GIPC2: variants seen among roughly 807,000 people sequenced by gnomAD.
GIPC2 encodes the protein PDZ domain-containing protein GIPC2.
GIPC2 carries 30 observed loss-of-function variants against 30.6 expected under a neutral mutation model. The ratio of observed to expected loss-of-function variants is 0.98; its 90% CI spans 0.73 to 1.33. The LOEUF (loss-of-function observed/expected upper bound fraction) is 1.33. Ranked by LOEUF, GIPC2 falls within the 40% of genes most tolerant of loss-of-function variation. GIPC2 has a pLI of 0.00. For synonymous variants in GIPC2, 167 were observed against 150.0 expected, an observed-to-expected ratio of 1.11 and a Z score of -0.83; for missense variants, 414 against 390.3, an observed-to-expected ratio of 1.06 and a Z score of -0.51.
rs1286708486 is a variant in GIPC2 at position 78,046,270 on chromosome 1, G to A, written c.176G>A (p.Gly59Asp). 1 of 1,611,832 alleles carries A rather than the reference G, an allele frequency of 6.2e-7. No individual in the cohort carries two copies. The highest frequency in any genetic ancestry group is 8.5e-7 in the Non-Finnish European group (1 of 1,179,452). Residue 59 changes from glycine to aspartate, a missense_variant, in exon 1 of 6, where the codon GGC (glycine) becomes GAC (aspartate). Coordinates refer to ENST00000370759, the MANE Select transcript of GIPC2 (RefSeq NM_017655.6). ...AHGSATGRVE[G>D]FSSIQELYAQ... ...GGTAGTGCCACGGGCCGAGTGGAGGGCTTCTCCAGCATCCAGGAGCTCTAC... is the reference window on the plus strand; with the variant it reads ...GGTAGTGCCACGGGCCGAGTGGAGGACTTCTCCAGCATCCAGGAGCTCTAC...
intron 1 of GIPC2, among the ~76,000 whole-genome samples, chr1:78,068,565 C>G (rs970740767): frequency 6.6e-6 from 1 of 152,164 alleles, no homozygotes; most frequent in Non-Finnish European, 1.5e-5. Context: ...CCAGATGCTT[C>G]AGAGAGTGAA....
chr1:78,077,668 TA>T (rs1661740614), intron 1 of GIPC2, among the ~76,000 whole-genome samples: 1 of 152,224 alleles, frequency 6.6e-6, no homozygotes, highest in Non-Finnish European at 1.5e-5. Context: ...AAAAAAAAGT[TA>T]AATGCTGCCT....
intron 1 of GIPC2, among the ~76,000 whole-genome samples, chr1:78,064,467 C>G (rs921360670): frequency 1.2e-4 from 19 of 152,128 alleles, no homozygotes; most frequent in African/African-American, 2.4e-5. Flanking sequence ...TCCTTAGAGG[C>G]CAGTATTGGC....
intron 5 of GIPC2, among the ~76,000 whole-genome samples, chr1:78,127,461 C>G (rs1424623500): frequency 6.6e-6 from 1 of 152,178 alleles, no homozygotes; most frequent in Non-Finnish European, 1.5e-5. Context: ...ATCATGCCAG[C>G]TAAAACTGGC....
chr1:78,091,844 G>A, intron 2 of GIPC2: 1 of 778,430 alleles, frequency 1.3e-6, no homozygotes, highest in Non-Finnish European at 2.4e-6. Flanking sequence ...GTCTCGGAAG[G>A]AGAAAGATGT....
chr1:78,125,967 G>T lies in GIPC2; in HGVS notation c.796+5G>T, dbSNP rs1325285811. The T allele has an allele frequency of 7.3e-7, 1 of 1,363,494 alleles. No individual in the cohort carries two copies. Among genetic ancestry groups the T allele is most frequent in the Non-Finnish European group, 1.0e-6 (1 of 953,218 alleles). The allele number at this position is 1,363,494 out of a possible 1,614,324, so 84.5% of individuals were successfully genotyped here. ...GAATTCGAGATATTGATTTAGGTAAGATTATACTATTTAAAAAAGTCTTAT... is the reference window on the plus strand; with the variant it reads ...GAATTCGAGATATTGATTTAGGTAATATTATACTATTTAAAAAAGTCTTAT... On this transcript the variant is annotated splice_donor_5th_base_variant and intron_variant, in intron 5 of 5. Coordinates refer to ENST00000370759, the MANE Select transcript of GIPC2 (RefSeq NM_017655.6).
At chr1:78,132,665 A>ATGTGTGTGTG (rs61463492) in intron 5 of GIPC2, among the ~76,000 whole-genome samples, 34,892 of 142,454 alleles carry the variant, frequency 0.24, 4,966 homozygotes, top group Admixed American at 0.31. Flanking sequence ...ATAGCCAAGG[A>ATGTGTGTGTG]TGTGTGTGTG....
At chr1:78,115,775 C>T (rs935243430) in intron 3 of GIPC2, among the ~76,000 whole-genome samples, 1 of 152,112 alleles carries the variant, frequency 6.6e-6, no homozygotes, top group South Asian at 2.1e-4. Context: ...TTTGGTTAGG[C>T]GGGGCTAGTG....
intron 1 of GIPC2, among the ~76,000 whole-genome samples, chr1:78,063,571 A>G (rs1661445670): frequency 6.6e-6 from 1 of 151,368 alleles, no homozygotes. Flanking sequence ...ATACATTTGG[A>G]TTTGAAAAGA....
chr1:78,093,405 T>G (rs1032162083), intron 2 of GIPC2, among the ~76,000 whole-genome samples: 7 of 152,234 alleles, frequency 4.6e-5, no homozygotes, highest in Non-Finnish European at 8.8e-5. Context: ...CTATTTCTAA[T>G]GACAGTGAGC....
chr1:78,123,638 C>T (rs192202773), intron 4 of GIPC2, among the ~76,000 whole-genome samples: 1 of 152,180 alleles, frequency 6.6e-6, no homozygotes, highest in East Asian at 1.9e-4. Context: ...GAAACCTCTG[C>T]AAATCAGAAA....
intron 3 of GIPC2, among the ~76,000 whole-genome samples, chr1:78,118,568 A>G (rs1662616055): frequency 1.3e-5 from 2 of 152,202 alleles, no homozygotes; most frequent in Admixed American, 6.5e-5. Context: ...AACAAGCATA[A>G]GGAAAGTAGT....
intron 3 of GIPC2, among the ~76,000 whole-genome samples, chr1:78,116,236 C>A (rs1318058665): frequency 6.6e-6 from 1 of 152,190 alleles, no homozygotes; most frequent in Non-Finnish European, 1.5e-5. Flanking sequence ...GAGAAACCAT[C>A]CCTCTGATCC....
chr1:78,054,069 T>C (rs1313919028), intron 1 of GIPC2, among the ~76,000 whole-genome samples: 1 of 152,228 alleles, frequency 6.6e-6, no homozygotes, highest in Non-Finnish European at 1.5e-5. Flanking sequence ...CCCCTTTACA[T>C]TCAACAATAT....
intron 1 of GIPC2, among the ~76,000 whole-genome samples, chr1:78,052,162 C>G (rs950151890): frequency 1.3e-5 from 2 of 152,168 alleles, no homozygotes; most frequent in African/African-American, 4.8e-5. Context: ...CTACAGAATG[C>G]CCTTCCTTAA....
chr1:78,070,101 C>A (rs1018475259), intron 1 of GIPC2, among the ~76,000 whole-genome samples: 4 of 152,164 alleles, frequency 2.6e-5, no homozygotes, highest in African/African-American at 9.7e-5. Flanking sequence ...CAGTGCTCTA[C>A]GAACTTCTGC....
chr1:78,067,372 G>A (rs961244843), intron 1 of GIPC2, among the ~76,000 whole-genome samples: 1 of 152,106 alleles, frequency 6.6e-6, no homozygotes, highest in Admixed American at 6.6e-5. Context: ...ATGGTACAAT[G>A]GTTCAATAAA....
chr1:78,116,376 T>C (rs1662566788), intron 3 of GIPC2, among the ~76,000 whole-genome samples: 1 of 152,176 alleles, frequency 6.6e-6, no homozygotes, highest in African/African-American at 2.4e-5. Flanking sequence ...ATTATTATAC[T>C]TTAAGTTCTA....
intron 1 of GIPC2, among the ~76,000 whole-genome samples, chr1:78,069,293 A>C (rs373888512): frequency 1.3e-5 from 2 of 151,840 alleles, no homozygotes; most frequent in East Asian, 3.9e-4. Flanking sequence ...CCTCACATAC[A>C]CTCCAGATTG....
Sources: gnomAD v4.1 joint callset for allele counts (sites outside exome capture counted in the v4.1 genomes callset) on GRCh38, gnomAD v4.1.1 for gene constraint, MANE v1.5 for transcripts, NCBI Gene and HGNC (gene_info 2026-07-23, HGNC 2026-07-21) for gene names.